CCT8: variants seen among roughly 807,000 people sequenced by gnomAD.
CCT8 encodes the protein T-complex protein 1 subunit theta.
Under a neutral mutation model 65.7 loss-of-function variants are expected in CCT8, and 10 were observed. That is an observed-to-expected ratio of 0.15 (90% CI 0.09 to 0.26). The LOEUF (loss-of-function observed/expected upper bound fraction) is 0.26, where lower values mean the gene tolerates loss of function less well. Ranked by LOEUF, CCT8 falls within the 10% of genes least tolerant of loss-of-function variation. The pLI is 1.00. For synonymous variants in CCT8, 199 were observed against 221.8 expected (o/e 0.90, Z 0.92); for missense variants, 568 against 669.1 (o/e 0.85, Z 1.67).
chr21:29,067,791 T>G, intron 3 of CCT8, 86 bp from the exon 4 acceptor site: 2 of 1,025,978 alleles, frequency 1.9e-6, no homozygotes, highest in East Asian at 5.8e-5. Context: ...ATAGACTCAA[T>G]TTTCTTGTAG....
At position 29,063,216 on chromosome 21, in the gene CCT8, T is replaced by G. The variant is rs563177959; in HGVS notation, c.941+136A>C. On this transcript the variant is annotated intron_variant, in intron 8 of 14. Transcript: ENST00000286788. The stretch of plus-strand genomic sequence containing the variant: ...GGTGTTTCCTGACCCCTCCCCAAAC[T>G]AAATCCTTCTGCTATTTGACCTAGT... 68 of 662,412 alleles carry G rather than the reference T, an allele frequency of 1.0e-4. No individual in the cohort carries two copies. In the African/African-American group the frequency reaches 1.1e-3, roughly 11 times the overall value. 41.0% of individuals were successfully genotyped at this position (662,412 alleles called of 1,614,324 possible). A position where few individuals can be genotyped will look rare whatever the true frequency, so the allele number is the denominator to read the frequency against.
chr21:29,069,115 G>A (rs1360279043), intron 3 of CCT8, among the ~76,000 whole-genome samples: 1 of 152,124 alleles, frequency 6.6e-6, no homozygotes, highest in Non-Finnish European at 1.5e-5. Flanking sequence ...TTTTTGCACT[G>A]TGGAATAATT....
In CCT8 at chr21:29,062,157, C is replaced by T; in HGVS notation, c.1183G>A (p.Gly395Ser). The change falls in exon 11 of 15, where the codon GGT becomes AGT. Residue 395 changes from glycine (G) to serine (S), a missense_variant. By Grantham distance (56) the Gly-to-Ser change is moderately conservative. Coordinates refer to ENST00000286788, the MANE Select transcript of CCT8 (RefSeq NM_006585.4). ...GTAAGAACTTTGAAAGTATTAACACCATCGTCTACTGCCCTTTCTATGTCA... is the reference window on the plus strand; with the variant it reads ...GTAAGAACTTTGAAAGTATTAACACTATCGTCTACTGCCCTTTCTATGTCA... ...MDDIERAVDD[G>S]VNTFKVLTRD... 6.2e-7 allele frequency: 1 copy of T among 1,612,138 alleles called. No individual in the cohort carries two copies. The highest frequency in any genetic ancestry group is 1.1e-5 in the South Asian group (1 of 91,010).
chr21:29,063,238 T>A, intron 8 of CCT8, 114 bp downstream of exon 8: 1 of 764,514 alleles, frequency 1.3e-6, no homozygotes, highest in Non-Finnish European at 2.1e-6. Flanking sequence ...CTATTTGACC[T>A]AGTACCTTTA....
intron 7 of CCT8, among the ~76,000 whole-genome samples, chr21:29,064,240 T>C (rs2146430843): frequency 6.7e-6 from 1 of 149,956 alleles, no homozygotes; most frequent in South Asian, 2.1e-4. Flanking sequence ...CCAAGGCGGG[T>C]GGATCACTTG....
intron 14 of CCT8, among the ~76,000 whole-genome samples, chr21:29,058,499 A>C (rs2146419716): frequency 6.6e-6 from 1 of 152,248 alleles, no homozygotes; most frequent in East Asian, 1.9e-4. Flanking sequence ...TGGGCACCAT[A>C]ATCAAAAGTG....
chr21:29,072,276 T>G (rs536249744), intron 1 of CCT8: 1 of 268,370 alleles, frequency 3.7e-6, no homozygotes, highest in South Asian at 9.2e-5. Flanking sequence ...CTCCTTTTAT[T>G]TAATCATTAT....
rs1484955567 is a variant in CCT8 at position 29,061,370 on chromosome 21, T to C, written c.1332A>G (p.Ala444=). The change falls in exon 13 of 15, where the codon GCA becomes GCG. Residue 444 remains alanine (A), a synonymous_variant. Transcript: ENST00000286788. ...EQYAIKKFAE[A]FEAIPRALAE... ...CCAGTGCGCGGGGAATAGCTTCAAA[T>C]GCCTCAGCAAACTTCTTAATAGCAT... The C allele has an allele frequency of 1.2e-6, 2 of 1,613,942 alleles. No individual in the cohort carries two copies. Among genetic ancestry groups the C allele is most frequent in the Non-Finnish European group, 1.7e-6 (2 of 1,179,948 alleles).
chr21:29,067,479 T>C (rs1174675509), intron 4 of CCT8, 77 bp downstream of exon 4: 2 of 1,185,256 alleles, frequency 1.7e-6, no homozygotes, highest in South Asian at 2.3e-5. Context: ...ACTATAATAA[T>C]GATTTTAGTT....
chr21:29,061,252 C>A lies in CCT8; in HGVS notation c.1449+1G>T. 4 of 1,608,042 alleles carry A rather than the reference C, an allele frequency of 2.5e-6. No homozygotes were observed. The highest frequency in any genetic ancestry group is 3.4e-6 in the Non-Finnish European group (4 of 1,176,074). The stretch of plus-strand genomic sequence containing the variant: ...TTTAAGTTCAGTGTTTTTTCAAATA[C>A]CTCAATATCTAATCCAACGTTTTTA... On this transcript the variant is annotated splice_donor_variant, in intron 13 of 14. Transcript: ENST00000286788. LOFTEE classifies it high-confidence loss of function.
intron 11 of CCT8, 62 bp downstream of exon 11, chr21:29,062,064 TAC>T: frequency 9.5e-7 from 1 of 1,057,048 alleles, no homozygotes; most frequent in East Asian, 2.4e-5. Flanking sequence ...CTGCAAACTG[TAC>T]TTTTAAGACC....
intron 14 of CCT8, among the ~76,000 whole-genome samples, chr21:29,056,824 CA>C (rs560355752): frequency 5.8e-4 from 89 of 152,196 alleles, no homozygotes; most frequent in African/African-American, 2.0e-3. Flanking sequence ...TTCAATAACT[CA>C]AAAAGCTGAA....
chr21:29,058,283 A>C (rs886126934), intron 14 of CCT8: 6 of 151,348 alleles, frequency 4.0e-5, no homozygotes, highest in Non-Finnish European at 5.9e-5. Flanking sequence ...CTAAAAATAC[A>C]AAAAAAAATT....
At chr21:29,057,725 ATATG>A (rs1158103075) in intron 14 of CCT8, among the ~76,000 whole-genome samples, 7 of 86,818 alleles carry the variant, frequency 8.1e-5, no homozygotes, top group Admixed American at 4.4e-4. Flanking sequence ...TATCATACAT[ATATG>A]TATGATATAT....
intron 7 of CCT8, among the ~76,000 whole-genome samples, chr21:29,063,857 C>A (rs529253058): frequency 6.6e-6 from 1 of 152,156 alleles, no homozygotes; most frequent in Non-Finnish European, 1.5e-5. Context: ...ACCTCTGACT[C>A]CCTGGTTCAA....
chr21:29,063,101 G>C (rs2085582027), intron 8 of CCT8, among the ~76,000 whole-genome samples: 1 of 152,172 alleles, frequency 6.6e-6, no homozygotes, highest in South Asian at 2.1e-4. Context: ...TCTTGGACAA[G>C]TTGTTCCTTT....
rs753816863 is a variant in CCT8, at chr21:29,073,571, T to C, written c.20A>G (p.Lys7Arg). 3.1e-6 allele frequency: 5 copies of C among 1,614,044 alleles called. No homozygotes were observed. The East Asian group carries it at 8.9e-5, about 29-fold the overall frequency. Reference protein sequence around the residue: MALHVPKAPGFAQMLKE... With the variant: MALHVPRAPGFAQMLKE... ...GAGCATCTGGGCAAAGCCCGGAGCCTTGGGAACGTGAAGCGCCATGGCCAG... is the reference window on the plus strand; with the variant it reads ...GAGCATCTGGGCAAAGCCCGGAGCCCTGGGAACGTGAAGCGCCATGGCCAG... Residue 7 changes from lysine (K) to arginine (R), a missense_variant, in exon 1 of 15, where the codon AAG becomes AGG. Transcript: ENST00000286788.
intron 1 of CCT8, chr21:29,073,318 C>G (rs904037582): frequency 1.1e-5 from 16 of 1,409,834 alleles, no homozygotes; most frequent in Non-Finnish European, 1.5e-5. Flanking sequence ...CCGCCGATCC[C>G]TCGGCCTTCT....
At chr21:29,065,883 C>A (rs2085615895) in intron 6 of CCT8, among the ~76,000 whole-genome samples, 1 of 151,964 alleles carries the variant, frequency 6.6e-6, no homozygotes, top group African/African-American at 2.4e-5. Flanking sequence ...GAGTTCGAGA[C>A]CAGCCTGGCC....
Sources: allele counts gnomAD v4.1 joint callset (sites outside exome capture counted in the v4.1 genomes callset), GRCh38; gene constraint gnomAD v4.1.1; transcripts MANE v1.5; gene names NCBI Gene and HGNC (gene_info 2026-07-23, HGNC 2026-07-21).